Variants in CAMK2D observed in about 807,000 individuals in gnomAD.
CAMK2D encodes calcium/calmodulin dependent protein kinase II delta, also known as calcium/calmodulin-dependent protein kinase type II subunit delta.
A neutral mutation model predicts 84.0 loss-of-function variants in CAMK2D; 37 were observed. That is an observed-to-expected ratio of 0.44 (90% CI 0.34 to 0.58). The LOEUF is 0.58. CAMK2D is among the 20% of genes least tolerant of loss of function. CAMK2D has a pLI of 0.02. For synonymous variants in CAMK2D, 202 were observed against 212.5 expected (o/e 0.95, Z 0.43); for missense variants, 448 against 652.5 (o/e 0.69, Z 3.41).
intron 3 of CAMK2D, among the ~76,000 whole-genome samples, chr4:113,658,672 G>A (rs943546868): frequency 1.3e-5 from 2 of 152,148 alleles, no homozygotes; most frequent in Non-Finnish European, 2.9e-5. Flanking sequence ...ATATTGGTCT[G>A]TTTTGTTCCT....
intron 4 of CAMK2D, among the ~76,000 whole-genome samples, chr4:113,567,141 CTG>C (rs1245839478): frequency 6.6e-6 from 1 of 151,210 alleles, no homozygotes; most frequent in Non-Finnish European, 1.5e-5. Context: ...AACATAACAA[CTG>C]AGATCTTTTT....
intron 3 of CAMK2D, among the ~76,000 whole-genome samples, chr4:113,656,197 T>G (rs1470365398): frequency 6.6e-6 from 1 of 152,146 alleles, no homozygotes; most frequent in Non-Finnish European, 1.5e-5. Context: ...CTTCAACATC[T>G]TAATGTCAGC....
chr4:113,455,479 CACA>C (rs920189652), intron 20 of CAMK2D, among the ~76,000 whole-genome samples: 4 of 152,152 alleles, frequency 2.6e-5, no homozygotes, highest in Non-Finnish European at 5.9e-5. Context: ...TCTAACATGA[CACA>C]ATCCACATGT....
At chr4:113,508,299 G>T in intron 13 of CAMK2D, 3 of 1,462,918 alleles carry the variant, frequency 2.1e-6, no homozygotes, top group Non-Finnish European at 2.8e-6. Context: ...GAAAGGAAAA[G>T]AAAAAAAAAT....
At chr4:113,559,258 C>T (rs770823670) in intron 4 of CAMK2D, among the ~76,000 whole-genome samples, 9 of 152,122 alleles carry the variant, frequency 5.9e-5, no homozygotes, top group Non-Finnish European at 7.4e-5. Context: ...TATTGGAATT[C>T]GGTAAGCCTA....
chr4:113,494,770 T>A (rs1360943139), intron 16 of CAMK2D, among the ~76,000 whole-genome samples: 1 of 152,122 alleles, frequency 6.6e-6, no homozygotes, highest in Non-Finnish European at 1.5e-5. Flanking sequence ...GATCTCAGAC[T>A]GCTGTGCTAG....
intron 4 of CAMK2D, among the ~76,000 whole-genome samples, chr4:113,566,051 T>A (rs1290730763): frequency 6.6e-6 from 1 of 152,220 alleles, no homozygotes. Flanking sequence ...TTTTTTCTTT[T>A]CAATATTATC....
At chr4:113,542,819 C>T (rs1169400698) in intron 6 of CAMK2D, among the ~76,000 whole-genome samples, 1 of 152,168 alleles carries the variant, frequency 6.6e-6, no homozygotes, top group Admixed American at 6.5e-5. Flanking sequence ...TATGAAACAG[C>T]CTTAAAGTTC....
At chr4:113,615,192 C>T (rs986311794) in intron 3 of CAMK2D, among the ~76,000 whole-genome samples, 2 of 152,024 alleles carry the variant, frequency 1.3e-5, no homozygotes, top group African/African-American at 4.8e-5. Flanking sequence ...AAGCACTAGC[C>T]AAGTTAGGCC....
chr4:113,661,684 T>C, intron 3 of CAMK2D, 29 bp downstream of exon 3: 3 of 1,084,036 alleles, frequency 2.8e-6, no homozygotes, highest in Non-Finnish European at 3.9e-6. Flanking sequence ...TAAATTAACA[T>C]TTAAAAAACA....
chr4:113,460,692 ATT>A (rs1359958039), intron 17 of CAMK2D, among the ~76,000 whole-genome samples: 1 of 151,486 alleles, frequency 6.6e-6, no homozygotes, highest in African/African-American at 2.4e-5. Context: ...AATAATAATT[ATT>A]ATTATTTTTG....
intron 3 of CAMK2D, among the ~76,000 whole-genome samples, chr4:113,621,930 C>G (rs1375729856): frequency 6.6e-6 from 1 of 152,160 alleles, no homozygotes; most frequent in Non-Finnish European, 1.5e-5. Flanking sequence ...TAGGTTTTAA[C>G]TAAATGAACT....
chr4:113,612,834 A>AG (rs1176538015), intron 3 of CAMK2D, among the ~76,000 whole-genome samples: 2 of 152,206 alleles, frequency 1.3e-5, no homozygotes, highest in African/African-American at 4.8e-5. Context: ...AGTGCTTCTG[A>AG]GGCTAAAAAT....
chr4:113,547,794 T>C, intron 5 of CAMK2D, 78 bp from the exon 6 acceptor site: 2 of 879,750 alleles, frequency 2.3e-6, no homozygotes, highest in Non-Finnish European at 3.4e-6. Flanking sequence ...GAGACTGGGT[T>C]AAAGTGCAGA....
Position 113,691,852 on chromosome 4 carries a change from G to A in CAMK2D, c.161-30080C>T, listed in dbSNP as rs58847155. ...GCCACACTATTTAAATGGGTGGTGA[G>A]GGAAACTGGCCAAATTATGCAATGA... On this transcript the variant is annotated intron_variant, in intron 2 of 20. Transcript: ENST00000511664. Among the ~76,000 whole-genome samples, 1,425 of 152,300 alleles carry A rather than the reference G, an allele frequency of 9.4e-3. 27 individuals carry two copies. The highest frequency in any genetic ancestry group is 0.032 in the African/African-American group (1,348 of 41,556).
chr4:113,755,930 T>C (rs943765291), intron 2 of CAMK2D, among the ~76,000 whole-genome samples: 5 of 152,018 alleles, frequency 3.3e-5, no homozygotes, highest in African/African-American at 9.7e-5. Flanking sequence ...AAAAACTTTT[T>C]AGAAGATAGA....
intron 13 of CAMK2D, among the ~76,000 whole-genome samples, chr4:113,506,144 A>G (rs1031152668): frequency 2.0e-5 from 3 of 152,208 alleles, no homozygotes; most frequent in Non-Finnish European, 4.4e-5. Flanking sequence ...GTATCAAATG[A>G]GCATTTCAAG....
At chr4:113,648,450 T>C (rs2099160066) in intron 3 of CAMK2D, among the ~76,000 whole-genome samples, 1 of 152,210 alleles carries the variant, frequency 6.6e-6, no homozygotes, top group African/African-American at 2.4e-5. Context: ...TCAAAACATA[T>C]ATTCATACTC....
intron 4 of CAMK2D, among the ~76,000 whole-genome samples, chr4:113,552,941 C>A (rs539145577): frequency 2.3e-3 from 352 of 152,218 alleles, no homozygotes; most frequent in Admixed American, 4.1e-3. Flanking sequence ...AACACCTATT[C>A]AATTGTGGAA....
Sources: allele counts gnomAD v4.1 joint callset (sites outside exome capture counted in the v4.1 genomes callset), GRCh38; gene constraint gnomAD v4.1.1; transcripts MANE v1.5; gene names NCBI Gene and HGNC (gene_info 2026-07-23, HGNC 2026-07-21).